The following MPZL2 variants were observed in gnomAD, a reference collection of about 807,000 sequenced individuals.
The protein encoded by MPZL2 is myelin protein zero-like protein 2.
In MPZL2, 32 loss-of-function variants were observed where a neutral mutation model predicts 24.5. The ratio of observed to expected loss-of-function variants is 1.31; its 90% confidence interval spans 0.99 to 1.76. The LOEUF (loss-of-function observed/expected upper bound fraction) is 1.76. Among genes scored for constraint, MPZL2 ranks in the 40% most tolerant of loss-of-function variants. The pLI, the probability that MPZL2 is intolerant of heterozygous loss-of-function variation, is 0.00. For missense variants in MPZL2, 304 were observed against 274.9 expected (o/e 1.11, Z -0.75); for synonymous variants, 92 against 97.9 (o/e 0.94, Z 0.36).
rs547688557 is a variant in MPZL2 at position 118,263,153 on chromosome 11, C to A, written c.59-56G>T. ...AACAGGGGATGTAGTATTGTGAGAACTTCTGCTGACACTTCCAAAATAAAT... is the reference window on the plus strand; with the variant it reads ...AACAGGGGATGTAGTATTGTGAGAAATTCTGCTGACACTTCCAAAATAAAT... On this transcript the variant is annotated intron_variant, in intron 1 of 5. Coordinates refer to ENST00000278937, the MANE Select transcript of MPZL2 (RefSeq NM_005797.4). 294 of 1,519,842 alleles carry A rather than the reference C, an allele frequency of 1.9e-4. 5 individuals are homozygous for A. In the South Asian group the frequency reaches 3.3e-3, roughly 17 times the overall value. The allele number at this position is 1,519,842 out of a possible 1,614,324, so 94.1% of individuals were successfully genotyped here.
rs538627493 is a variant in MPZL2 at position 118,263,309 on chromosome 11, C to T, written c.59-212G>A. On this transcript the variant is annotated intron_variant, in intron 1 of 5. Coordinates refer to ENST00000278937, the MANE Select transcript of MPZL2 (RefSeq NM_005797.4). ...ATTCCATGTGACAACTAAACTACCA[C>T]ACAGCAAGCCTTCGCAGTGCTTTTA... is the stretch of plus-strand genomic sequence containing the variant. 8 of 519,550 alleles carry T rather than the reference C, an allele frequency of 1.5e-5. No individual in the cohort carries two copies. The Admixed American group carries it at 2.5e-4, about 17-fold the overall frequency. The allele number at this position is 519,550 out of a possible 1,614,324, so 32.2% of individuals were successfully genotyped here. A position where few individuals can be genotyped will look rare whatever the true frequency, so the allele number is the denominator to read the frequency against.
intron 5 of MPZL2, 48 bp from the exon 6 acceptor site, chr11:118,255,281 TACA>T (rs1050975573): frequency 2.6e-5 from 4 of 152,064 alleles, no homozygotes; most frequent in African/African-American, 9.7e-5. Context: ...TTGAGAAGAG[TACA>T]ATAGGAATAC....
At position 118,253,500 on chromosome 11, in the gene MPZL2, T is replaced by G. The variant is rs1949643340; in HGVS notation, c.*1746A>C. On this transcript the variant is annotated 3_prime_UTR_variant, in exon 6 of 6. Coordinates refer to ENST00000278937, the MANE Select transcript of MPZL2 (RefSeq NM_005797.4). ...TAAAAAATAAATTACAATACAAAAG[T>G]GCTCTTTAGGAAGGAGACACTAAAC... The G allele has an allele frequency of 6.6e-6, 1 of 152,206 alleles. No homozygotes were observed. Among genetic ancestry groups the G allele is most frequent in the African/African-American group, 2.4e-5 (1 of 41,448 alleles). 9.4% of individuals were successfully genotyped at this position (152,206 alleles called of 1,614,324 possible). A position where few individuals can be genotyped will look rare whatever the true frequency, so the allele number is the denominator to read the frequency against.
In MPZL2 at chr11:118,254,703, A is replaced by G. The variant is rs1463270781; in HGVS notation, c.*543T>C. Reference sequence around the variant, plus strand: ...TTCAGTAAAACAAGATGTGTCTCATAGTTAAGGAGAGACATAAAAATAAAA... The same window carrying G: ...TTCAGTAAAACAAGATGTGTCTCATGGTTAAGGAGAGACATAAAAATAAAA... On this transcript the variant is annotated 3_prime_UTR_variant, in exon 6 of 6. Coordinates refer to ENST00000278937, the MANE Select transcript of MPZL2 (RefSeq NM_005797.4). 1 of 152,252 alleles carries G rather than the reference A, an allele frequency of 6.6e-6. No homozygotes were observed. Among genetic ancestry groups the G allele is most frequent in the African/African-American group, 2.4e-5 (1 of 41,470 alleles). 9.4% of individuals were successfully genotyped at this position (152,252 alleles called of 1,614,324 possible).
Position 118,263,075 on chromosome 11 carries a change from C to T in MPZL2, c.81G>A (p.Val27=), listed in dbSNP as rs1446109223. ...QLTALWPIAA[V]EIYTSRVLEA... is the part of the protein sequence containing the mutation. ...CCAGCACCCGGGAGGTATAAATTTC[C>T]ACAGCTGCTATAGGCCAAAGAGCTG... is the stretch of plus-strand genomic sequence containing the variant. The change falls in exon 2 of 6, where the codon GTG becomes GTA. Residue 27 remains valine, a synonymous_variant. Coordinates refer to ENST00000278937, the MANE Select transcript of MPZL2 (RefSeq NM_005797.4). 6.2e-6 allele frequency: 10 copies of T among 1,614,016 alleles called. No individual in the cohort carries two copies. The highest frequency in any genetic ancestry group is 8.5e-6 in the Non-Finnish European group (10 of 1,179,970).
At chr11:118,264,071 C>CT (rs762571065) in intron 1 of MPZL2, 25 bp downstream of exon 1, 6 of 1,612,442 alleles carry the variant, frequency 3.7e-6, no homozygotes, top group Non-Finnish European at 5.1e-6. Context: ...GGAGGAAACT[C>CT]TGAGAGAAGC....
intron 2 of MPZL2, 121 bp downstream of exon 2, chr11:118,262,810 T>C (rs1486302065): frequency 4.3e-5 from 61 of 1,407,728 alleles, no homozygotes; most frequent in Non-Finnish European, 5.6e-5. Flanking sequence ...TCCCAAGAAT[T>C]GTTTCCGAGC....
intron 1 of MPZL2, 46 bp downstream of exon 1, chr11:118,264,050 T>G (rs765930287): frequency 6.4e-7 from 1 of 1,563,180 alleles, no homozygotes; most frequent in East Asian, 2.2e-5. Context: ...CTTTATAGAG[T>G]GAGCAGTGAA....
rs145401372 is a variant in MPZL2, at chr11:118,262,594, G to C, written c.280C>G (p.Arg94Gly). 1.7e-5 allele frequency: 28 copies of C among 1,613,938 alleles called. No individual in the cohort carries two copies. Among genetic ancestry groups the C allele is most frequent in the South Asian group, 8.8e-5 (8 of 91,072 alleles). The change falls in exon 3 of 6, where the codon CGG becomes GGG. Residue 94 changes from arginine to glycine, a missense_variant. Arg to Gly is a moderately radical substitution (Grantham distance 125). Coordinates refer to ENST00000278937, the MANE Select transcript of MPZL2 (RefSeq NM_005797.4). ...TCAGGATTCCCATCCCAAGACACCCGGTCCTTAAACCGCCCACTCATGGGT... is the reference window on the plus strand; with the variant it reads ...TCAGGATTCCCATCCCAAGACACCCCGTCCTTAAACCGCCCACTCATGGGT... ...FQPMSGRFKD[R>G]VSWDGNPERY...
Position 118,262,464 on chromosome 11 carries a change from T to A in MPZL2, c.410A>T (p.Glu137Val). Residue 137 changes from glutamate (E) to valine (V), a missense_variant, in exon 3 of 6, where the codon GAG becomes GTG. Transcript: ENST00000278937. ...NPPDVDGVIG[E>V]IRLSVVHTVR... ...AGTGTGCACGACGCTGAGCCGGATCTCCCCTATCACCCCATCAACATCAGG... is the reference window on the plus strand; with the variant it reads ...AGTGTGCACGACGCTGAGCCGGATCACCCCTATCACCCCATCAACATCAGG... 1 of 1,614,092 alleles carries A rather than the reference T, an allele frequency of 6.2e-7. No homozygotes were observed. The highest frequency in any genetic ancestry group is 1.1e-5 in the South Asian group (1 of 91,084).
rs1242499628 is a variant in MPZL2, at chr11:118,253,948, A to G, written c.*1298T>C. 1 of 152,578 alleles carries G rather than the reference A, an allele frequency of 6.6e-6. No individual in the cohort carries two copies. Among genetic ancestry groups the G allele is most frequent in the Non-Finnish European group, 1.5e-5 (1 of 67,982 alleles). The allele number at this position is 152,578 out of a possible 1,614,324, so 9.5% of individuals were successfully genotyped here. On this transcript the variant is annotated 3_prime_UTR_variant, in exon 6 of 6. Transcript: ENST00000278937. ...TGAAAATTCCAGTTTGTTAAAAGAA[A>G]AAACATCTGCAGTCCAGTCGATTAA...
intron 3 of MPZL2, 123 bp downstream of exon 3, chr11:118,262,315 G>T: frequency 2.0e-6 from 2 of 1,020,126 alleles, no homozygotes; most frequent in Non-Finnish European, 2.9e-6. Context: ...GTTCTGAAGG[G>T]CTAGTCCCTC....
In MPZL2 at chr11:118,264,083, C is replaced by A. The variant is rs756663097; in HGVS notation, c.58+13G>T. 1.9e-6 allele frequency: 3 copies of A among 1,613,642 alleles called. No homozygotes were observed. The highest frequency in any genetic ancestry group is 2.5e-6 in the Non-Finnish European group (3 of 1,179,712). ...GAAGGAGGAAACTCTGAGAGAAGCC[C>A]GCCGGCTCTTACCTGTGAGCTGTAT... On this transcript the variant is annotated intron_variant, in intron 1 of 5. Transcript: ENST00000278937.
chr11:118,259,856 G>T, intron 4 of MPZL2, 198 bp downstream of exon 4: 1 of 554,504 alleles, frequency 1.8e-6, no homozygotes, highest in Non-Finnish European at 3.0e-6. Context: ...ATCCCATAAG[G>T]AAATATTTTG....
In MPZL2 at chr11:118,254,180, TC is replaced by T. The variant is rs796164262; in HGVS notation, c.*1065del. ...TAAAGTAGTTTTGGTATTTCTTTGC[TC>T]CATACCAAAGTCTTCCTCCCCCAAA... On this transcript the variant is annotated 3_prime_UTR_variant, in exon 6 of 6. Transcript: ENST00000278937. 3 of 152,232 alleles carry T rather than the reference TC, an allele frequency of 2.0e-5. No homozygotes were observed. The highest frequency in any genetic ancestry group is 7.2e-5 in the African/African-American group (3 of 41,546). The allele number at this position is 152,232 out of a possible 1,614,324, so 9.4% of individuals were successfully genotyped here. A position where few individuals can be genotyped will look rare whatever the true frequency, so the allele number is the denominator to read the frequency against.
At chr11:118,256,380 G>A (rs572064072) in intron 5 of MPZL2, among the ~76,000 whole-genome samples, 6 of 152,308 alleles carry the variant, frequency 3.9e-5, no homozygotes, top group South Asian at 2.1e-4. Flanking sequence ...TTGGCCCGGC[G>A]CAGTGGCTTA....
At position 118,254,462 on chromosome 11, in the gene MPZL2, A is replaced by G. The variant is rs1949650162; in HGVS notation, c.*784T>C. 6.6e-6 allele frequency: 1 copy of G among 152,218 alleles called. No individual in the cohort carries two copies. Among genetic ancestry groups the G allele is most frequent in the African/African-American group, 2.4e-5 (1 of 41,450 alleles). The allele number at this position is 152,218 out of a possible 1,614,324, so 9.4% of individuals were successfully genotyped here. ...TTGGGGGGGAAACATAGTAAGCTAA[A>G]CTATCCGTCACTGCTCATGAAAGAC... On this transcript the variant is annotated 3_prime_UTR_variant, in exon 6 of 6. Coordinates refer to ENST00000278937, the MANE Select transcript of MPZL2 (RefSeq NM_005797.4).
rs958291200 is a variant in MPZL2, at chr11:118,253,862, T to G, written c.*1384A>C. 3 of 152,598 alleles carry G rather than the reference T, an allele frequency of 2.0e-5. No homozygotes were observed. The highest frequency in any genetic ancestry group is 4.4e-5 in the Non-Finnish European group (3 of 68,004). The allele number at this position is 152,598 out of a possible 1,614,324, so 9.5% of individuals were successfully genotyped here. A position where few individuals can be genotyped will look rare whatever the true frequency, so the allele number is the denominator to read the frequency against. On this transcript the variant is annotated 3_prime_UTR_variant, in exon 6 of 6. Coordinates refer to ENST00000278937, the MANE Select transcript of MPZL2 (RefSeq NM_005797.4). ...AGGTTCATATGTAAATCATACAATT[T>G]TTTAAAAAATAGTATTGGAAAAATA...
rs532437530 is a variant in MPZL2 at position 118,264,007 on chromosome 11, A to G, written c.58+89T>C. On this transcript the variant is annotated intron_variant, in intron 1 of 5. Coordinates refer to ENST00000278937, the MANE Select transcript of MPZL2 (RefSeq NM_005797.4). ...GTATCTGTGGCTCAGGCTCCCAAACAAAAGTCTTGCAACTTCTAAGACAAT... is the reference window on the plus strand; with the variant it reads ...GTATCTGTGGCTCAGGCTCCCAAACGAAAGTCTTGCAACTTCTAAGACAAT... The G allele has an allele frequency of 3.6e-6, 5 of 1,395,140 alleles. No individual in the cohort carries two copies. The South Asian group carries it at 5.9e-5, about 17-fold the overall frequency. 86.4% of individuals were successfully genotyped at this position (1,395,140 alleles called of 1,614,324 possible).
Sources: gnomAD v4.1 joint callset for allele counts (sites outside exome capture counted in the v4.1 genomes callset) on GRCh38, gnomAD v4.1.1 for gene constraint, MANE v1.5 for transcripts, NCBI Gene and HGNC (gene_info 2026-07-23, HGNC 2026-07-21) for gene names.